Variants in HLCS observed in about 807,000 individuals in gnomAD.
HLCS encodes holocarboxylase synthetase, also known as biotin--protein ligase.
In HLCS, 53 loss-of-function variants were observed where a neutral mutation model predicts 75.0. The ratio of observed to expected loss-of-function variants is 0.71; its 90% CI spans 0.57 to 0.89. HLCS has a LOEUF of 0.89. Among genes scored for constraint, HLCS ranks in the 40% least tolerant of loss-of-function variants. The pLI is 0.00. For missense variants in HLCS, 966 were observed against 1,074.0 expected (o/e 0.90, Z 1.41); for synonymous variants, 431 against 428.6 (o/e 1.01, Z -0.07).
At chr21:36,973,013 C>G (rs1416137357) in intron 1 of HLCS, among the ~76,000 whole-genome samples, 1 of 151,638 alleles carries the variant, frequency 6.6e-6, no homozygotes, top group East Asian at 1.9e-4. Flanking sequence ...TCCAGAAGTT[C>G]ATGACCAGCG....
intron 6 of HLCS, among the ~76,000 whole-genome samples, chr21:36,885,063 C>T (rs1165594574): frequency 6.6e-6 from 1 of 152,140 alleles, no homozygotes; most frequent in Non-Finnish European, 1.5e-5. Flanking sequence ...ATAAGAGAAA[C>T]ACAAACATGG....
chr21:36,949,811 G>A (rs1396466245), intron 2 of HLCS, among the ~76,000 whole-genome samples: 1 of 152,224 alleles, frequency 6.6e-6, no homozygotes, highest in Non-Finnish European at 1.5e-5. Flanking sequence ...CAGCGAACCT[G>A]CTGAGCATGA....
intron 2 of HLCS, among the ~76,000 whole-genome samples, chr21:36,959,289 C>T (rs891388448): frequency 9.8e-5 from 15 of 152,316 alleles, no homozygotes; most frequent in African/African-American, 2.6e-4. Context: ...CTCAGGATGG[C>T]GCTGACACAC....
chr21:36,792,231 A>G (rs573685998), intron 6 of HLCS, among the ~76,000 whole-genome samples: 1 of 152,148 alleles, frequency 6.6e-6, no homozygotes, highest in African/African-American at 2.4e-5. Context: ...TCCCAGCGCT[A>G]CGCTCTGGGG....
intron 5 of HLCS, among the ~76,000 whole-genome samples, chr21:36,925,356 C>T (rs1263018264): frequency 6.6e-6 from 1 of 152,154 alleles, no homozygotes; most frequent in African/African-American, 2.4e-5. Flanking sequence ...CACTGTTAGC[C>T]ACCGTTGGCC....
chr21:36,829,346 T>G (rs755072709), intron 6 of HLCS, among the ~76,000 whole-genome samples: 9 of 152,212 alleles, frequency 5.9e-5, no homozygotes, highest in Non-Finnish European at 1.0e-4. Context: ...TGTAGTAACA[T>G]TCACACTCTG....
At position 36,752,986 on chromosome 21, in the gene HLCS, T is replaced by G. The variant is rs1017363502; in HGVS notation, c.*1260A>C. 2 of 152,650 alleles carry G rather than the reference T, an allele frequency of 1.3e-5. No homozygotes were observed. Among genetic ancestry groups the G allele is most frequent in the Admixed American group, 6.5e-5 (1 of 15,284 alleles). 9.5% of individuals were successfully genotyped at this position (152,650 alleles called of 1,614,324 possible). A position where few individuals can be genotyped will look rare whatever the true frequency, so the allele number is the denominator to read the frequency against. On this transcript the variant is annotated 3_prime_UTR_variant, in exon 11 of 11. Coordinates refer to ENST00000674895, the MANE Select transcript of HLCS (RefSeq NM_001352514.2). ...ATTGGCCTTTTAAAAAGCTGAAAAG[T>G]AATGAGTATGATTCATAAGTTCAAC... is the stretch of plus-strand genomic sequence containing the variant.
At chr21:36,989,178 C>G (rs1473676017) in intron 1 of HLCS, among the ~76,000 whole-genome samples, 1 of 151,136 alleles carries the variant, frequency 6.6e-6, no homozygotes, top group Admixed American at 6.6e-5. Context: ...CTGAAACGAA[C>G]TTTTCTTATT....
intron 1 of HLCS, among the ~76,000 whole-genome samples, chr21:36,979,828 G>T (rs958397533): frequency 2.6e-5 from 4 of 151,878 alleles, no homozygotes; most frequent in African/African-American, 7.3e-5. Flanking sequence ...AGGCAAAAGC[G>T]GGCAAATCAC....
intron 5 of HLCS, among the ~76,000 whole-genome samples, chr21:36,898,464 A>AAAAAAAAAAC: frequency 6.6e-6 from 1 of 151,258 alleles, no homozygotes; most frequent in Non-Finnish European, 1.5e-5. Context: ...AAAAAAAAAA[A>AAAAAAAAAAC]AAGACAAGAA....
chr21:36,820,216 A>G (rs891886773), intron 6 of HLCS, among the ~76,000 whole-genome samples: 1 of 137,544 alleles, frequency 7.3e-6, no homozygotes, highest in African/African-American at 2.7e-5. Context: ...AGTGATAGTG[A>G]GGCCCCGTGC....
chr21:36,977,583 G>A (rs1488126767), intron 1 of HLCS, among the ~76,000 whole-genome samples: 1 of 152,174 alleles, frequency 6.6e-6, no homozygotes, highest in Admixed American at 6.5e-5. Context: ...ACATGAAAAA[G>A]GCATTAGCCA....
chr21:36,875,802 C>A (rs1266925191), intron 6 of HLCS, among the ~76,000 whole-genome samples: 3 of 152,186 alleles, frequency 2.0e-5, no homozygotes. Flanking sequence ...ACAGGGGCAA[C>A]GTCCCCCTGC....
At position 36,870,005 on chromosome 21, in the gene HLCS, T is replaced by C. The variant is rs115193602; in HGVS notation, c.1892+26855A>G. ...AAATAAAACCCGTGAACCCTAGTTATAGCACCTTTGAATTGCAAAGAATCT... is the reference window on the plus strand; with the variant it reads ...AAATAAAACCCGTGAACCCTAGTTACAGCACCTTTGAATTGCAAAGAATCT... On this transcript the variant is annotated intron_variant, in intron 6 of 10. Transcript: ENST00000674895. Among the ~76,000 whole-genome samples the C allele has an allele frequency of 3.5e-3, 538 of 152,336 alleles. 3 individuals carry two copies. Among genetic ancestry groups the C allele is most frequent in the African/African-American group, 0.012 (505 of 41,578 alleles).
At chr21:36,860,313 A>G (rs1370381538) in intron 6 of HLCS, among the ~76,000 whole-genome samples, 1 of 130,726 alleles carries the variant, frequency 7.6e-6, no homozygotes, top group Non-Finnish European at 1.8e-5. Flanking sequence ...TCAGACTCCA[A>G]AGCCATGCCC....
chr21:36,794,877 G>A (rs1015797292), intron 6 of HLCS, among the ~76,000 whole-genome samples: 4 of 152,202 alleles, frequency 2.6e-5, no homozygotes, highest in Admixed American at 6.5e-5. Context: ...GCGATGTGCC[G>A]TTTCCCAAAA....
intron 6 of HLCS, among the ~76,000 whole-genome samples, chr21:36,797,189 G>GA (rs2061053222): frequency 6.6e-6 from 1 of 152,014 alleles, no homozygotes; most frequent in Non-Finnish European, 1.5e-5. Flanking sequence ...TCTTAACACT[G>GA]CCCTGACATA....
In HLCS at chr21:36,947,563, C is replaced by T. The variant is rs150870878; in HGVS notation, c.331-8569G>A. 306 of 985,420 alleles carry T rather than the reference C, an allele frequency of 3.1e-4. No individual in the cohort carries two copies. The African/African-American group carries it at 5.1e-3, about 17-fold the overall frequency. The allele number at this position is 985,420 out of a possible 1,614,324, so 61.0% of individuals were successfully genotyped here. ...GGGAAGTCAAGCAAAAGGCTCACTCCCAAAGATCAAAGCTAAGGAAGCCCT... is the reference window on the plus strand; with the variant it reads ...GGGAAGTCAAGCAAAAGGCTCACTCTCAAAGATCAAAGCTAAGGAAGCCCT... On this transcript the variant is annotated intron_variant, in intron 2 of 10. Coordinates refer to ENST00000674895, the MANE Select transcript of HLCS (RefSeq NM_001352514.2).
At chr21:36,817,895 C>T (rs780280392) in intron 6 of HLCS, among the ~76,000 whole-genome samples, 2 of 152,164 alleles carry the variant, frequency 1.3e-5, no homozygotes, top group East Asian at 1.9e-4. Flanking sequence ...ATGTCCAAGC[C>T]GCCTACAGCT....
Sources: allele counts gnomAD v4.1 joint callset (sites outside exome capture counted in the v4.1 genomes callset), GRCh38; gene constraint gnomAD v4.1.1; transcripts MANE v1.5; gene names NCBI Gene and HGNC (gene_info 2026-07-23, HGNC 2026-07-21).